Variants in CUX2 observed in about 807,000 individuals in gnomAD.
CUX2 encodes cut like homeobox 2.
A neutral mutation model predicts 144.8 loss-of-function variants in CUX2; 40 were observed. The ratio of observed to expected loss-of-function variants is 0.28; its 90% CI spans 0.21 to 0.36. CUX2 has a LOEUF of 0.36. Among genes scored for constraint, CUX2 ranks in the 10% least tolerant of loss-of-function variants. The probability of loss-of-function intolerance (pLI) is 1.00; values close to 1 mark genes in which losing one functional copy is unlikely to be tolerated. For synonymous variants in CUX2, 827 were observed against 875.6 expected, an observed-to-expected ratio of 0.94 and a Z score of 0.98; for missense variants, 1,615 against 1,994.0, an observed-to-expected ratio of 0.81 and a Z score of 3.62.
At chr12:111,064,552 G>T (rs2048697298) in intron 1 of CUX2, among the ~76,000 whole-genome samples, 1 of 152,164 alleles carries the variant, frequency 6.6e-6, no homozygotes, top group South Asian at 2.1e-4. Flanking sequence ...GAAAGCTATG[G>T]ATCTTCTTTT....
chr12:111,111,313 AAAAG>A (rs1022654893), intron 1 of CUX2, among the ~76,000 whole-genome samples: 1 of 152,052 alleles, frequency 6.6e-6, no homozygotes, highest in Non-Finnish European at 1.5e-5. Flanking sequence ...AAAGAAAAAA[AAAAG>A]AGAGACAATG....
intron 1 of CUX2, among the ~76,000 whole-genome samples, chr12:111,138,241 A>G (rs910072529): frequency 5.9e-5 from 9 of 152,226 alleles, no homozygotes. Flanking sequence ...CGCTCACTTC[A>G]TTGATAATTA....
At chr12:111,153,318 C>G (rs1352341853) in intron 1 of CUX2, among the ~76,000 whole-genome samples, 1 of 152,216 alleles carries the variant, frequency 6.6e-6, no homozygotes, top group Non-Finnish European at 1.5e-5. Flanking sequence ...GCGACCAAGA[C>G]AGATTTACAG....
At chr12:111,249,705 C>T (rs899837819) in intron 3 of CUX2, among the ~76,000 whole-genome samples, 1 of 152,036 alleles carries the variant, frequency 6.6e-6, no homozygotes, top group African/African-American at 2.4e-5. Context: ...GATCAGCCTG[C>T]CTTGAGCCTT....
chr12:111,097,818 G>C (rs1365828813), intron 1 of CUX2, among the ~76,000 whole-genome samples: 7 of 152,352 alleles, frequency 4.6e-5, no homozygotes, highest in Middle Eastern at 3.4e-3. Context: ...ACCAGGAATG[G>C]CGTGGGCATT....
intron 1 of CUX2, among the ~76,000 whole-genome samples, chr12:111,134,180 C>A (rs1875689760): frequency 6.6e-6 from 1 of 152,192 alleles, no homozygotes; most frequent in Admixed American, 6.5e-5. Flanking sequence ...TCATCCTTTT[C>A]TTTCCCCATT....
In CUX2 at chr12:111,160,125, T is replaced by C. The variant is rs1877660681; in HGVS notation, c.64-54075T>C. ...TGAGCTCCTGCTGGGTGCTGGGCGCTGGGAATACAGCAATGAACAGAAGAA... is the reference window on the plus strand; with the variant it reads ...TGAGCTCCTGCTGGGTGCTGGGCGCCGGGAATACAGCAATGAACAGAAGAA... On this transcript the variant is annotated intron_variant, in intron 1 of 21. Coordinates refer to ENST00000261726, the MANE Select transcript of CUX2 (RefSeq NM_015267.4). This position sits in a 1 kb window ranked among gnomAD's most constrained non-coding sequence, Gnocchi z 4.1. Among the ~76,000 whole-genome samples, 1 of 152,196 alleles carries C rather than the reference T, an allele frequency of 6.6e-6. No homozygotes were observed. Among genetic ancestry groups the C allele is most frequent in the Non-Finnish European group, 1.5e-5 (1 of 68,038 alleles).
intron 4 of CUX2, among the ~76,000 whole-genome samples, chr12:111,290,088 C>T (rs1264849329): frequency 6.6e-6 from 1 of 152,176 alleles, no homozygotes; most frequent in Non-Finnish European, 1.5e-5. Flanking sequence ...TTGCTCAGTG[C>T]CCCTCGCTGT....
Position 111,035,238 on chromosome 12 carries a change from C to T in CUX2, c.63+998C>T, listed in dbSNP as rs1455254040. On this transcript the variant is annotated intron_variant, in intron 1 of 21. Transcript: ENST00000261726. The surrounding 1 kb of genome is among the most constrained non-coding windows in gnomAD (Gnocchi z 6.0). ...TTCTGTTTCTTTCCTCTCTTCCCTG[C>T]TCTTTCTCTCTCCTTCCCTAGGGCG... Among the ~76,000 whole-genome samples, 1 of 152,252 alleles carries T rather than the reference C, an allele frequency of 6.6e-6. No individual in the cohort carries two copies. Among genetic ancestry groups the T allele is most frequent in the Non-Finnish European group, 1.5e-5 (1 of 68,046 alleles).
At position 111,168,840 on chromosome 12, in the gene CUX2, G is replaced by A. The variant is rs113649259; in HGVS notation, c.64-45360G>A. 4.5e-3 allele frequency among the ~76,000 whole-genome samples: 688 copies of A among 152,222 alleles called. 4 individuals are homozygous for A. The highest frequency in any genetic ancestry group is 0.016 in the African/African-American group (647 of 41,548). On this transcript the variant is annotated intron_variant, in intron 1 of 21. Transcript: ENST00000261726. ...TGGATCAGTGGGAGGAATTTGGGTC[G>A]GGTGCTTGAACTTTTGTGGAATGCT...
At chr12:111,136,167 G>C (rs954905918) in intron 1 of CUX2, among the ~76,000 whole-genome samples, 2 of 151,954 alleles carry the variant, frequency 1.3e-5, no homozygotes, top group Non-Finnish European at 2.9e-5. Flanking sequence ...CCCATGAGAA[G>C]GATGCAGGAA....
intron 1 of CUX2, among the ~76,000 whole-genome samples, chr12:111,176,640 A>G (rs1318237199): frequency 6.6e-6 from 1 of 151,886 alleles, no homozygotes; most frequent in East Asian, 1.9e-4. Context: ...GTTGTGTCCA[A>G]CCCCCACTCC....
chr12:111,181,195 A>C (rs539872421), intron 1 of CUX2, among the ~76,000 whole-genome samples: 3 of 152,374 alleles, frequency 2.0e-5, no homozygotes, highest in African/African-American at 7.2e-5. Context: ...TCTGAGGAAC[A>C]CAGGAGTTTC....
chr12:111,213,261 C>T (rs1357522526), intron 1 of CUX2, among the ~76,000 whole-genome samples: 1 of 152,200 alleles, frequency 6.6e-6, no homozygotes, highest in African/African-American at 2.4e-5. Flanking sequence ...ACCACATAAA[C>T]AGAGCATTTC....
chr12:111,136,730 G>A (rs1430444753), intron 1 of CUX2, among the ~76,000 whole-genome samples: 1 of 152,162 alleles, frequency 6.6e-6, no homozygotes, highest in Admixed American at 6.5e-5. Context: ...GCAAGTAAGT[G>A]GCCAGCCAAG....
chr12:111,347,704 C>T lies in CUX2; in HGVS notation c.3840C>T (p.Gly1280=), dbSNP rs757869326. 3.3e-5 allele frequency: 49 copies of T among 1,505,934 alleles called. No individual in the cohort carries two copies. Among genetic ancestry groups the T allele is most frequent in the Non-Finnish European group, 4.2e-5 (47 of 1,114,280 alleles). The allele number at this position is 1,505,934 out of a possible 1,614,324, so 93.3% of individuals were successfully genotyped here. A position where few individuals can be genotyped will look rare whatever the true frequency, so the allele number is the denominator to read the frequency against. ...TGAAGGAACTGGAGCTTCAGGAGGG[C>T]CCTGAGGAGAACAGCACACCCCTGA... ...PTVKELELQE[G]PEENSTPLTT... Residue 1280 remains glycine, a synonymous_variant, in exon 22 of 22, where the codon GGC becomes GGT. Coordinates refer to ENST00000261726, the MANE Select transcript of CUX2 (RefSeq NM_015267.4).
intron 3 of CUX2, among the ~76,000 whole-genome samples, chr12:111,245,572 T>C (rs1049631716): frequency 6.6e-6 from 1 of 152,012 alleles, no homozygotes; most frequent in Non-Finnish European, 1.5e-5. Context: ...CAGTGAGCCA[T>C]GATTACACCA....
At chr12:111,161,042 A>G (rs1877728989) in intron 1 of CUX2, among the ~76,000 whole-genome samples, 1 of 151,980 alleles carries the variant, frequency 6.6e-6, no homozygotes, top group Admixed American at 6.6e-5. Context: ...GAGCTCAGAG[A>G]CCTGGGGGCT....
intron 1 of CUX2, among the ~76,000 whole-genome samples, chr12:111,107,324 A>T (rs1023210671): frequency 2.0e-5 from 3 of 152,244 alleles, no homozygotes; most frequent in Non-Finnish European, 2.9e-5. Context: ...CCTTGAGCCC[A>T]TGTAAGTTTC....
Sources: allele counts gnomAD v4.1 joint callset (sites outside exome capture counted in the v4.1 genomes callset), GRCh38; gene constraint gnomAD v4.1.1; non-coding constraint Gnocchi (gnomAD v3.1); transcripts MANE v1.5; gene names NCBI Gene and HGNC (gene_info 2026-07-23, HGNC 2026-07-21).